STPG2: variants seen among roughly 807,000 people sequenced by gnomAD.
The protein encoded by STPG2 is sperm-tail PG-rich repeat-containing protein 2.
Under a neutral mutation model 54.2 loss-of-function variants are expected in STPG2, and 56 were observed. The ratio of observed to expected loss-of-function variants is 1.03; its 90% CI spans 0.83 to 1.29. The LOEUF is 1.29. Ranked by LOEUF, STPG2 falls within the 50% of genes most tolerant of loss-of-function variation. The pLI, the probability that STPG2 is intolerant of heterozygous loss-of-function variation, is 0.00. For synonymous variants in STPG2, 200 were observed against 181.8 expected (o/e 1.10, Z -0.81); for missense variants, 596 against 544.9 (o/e 1.09, Z -0.93).
At chr4:97,642,691 A>T (rs2148946701) in intron 10 of STPG2, among the ~76,000 whole-genome samples, 1 of 151,618 alleles carries the variant, frequency 6.6e-6, no homozygotes, top group Non-Finnish European at 1.5e-5. Context: ...AGTTATAAAC[A>T]ATTCACGTAG....
At chr4:97,735,884 A>T (rs910962979) in intron 9 of STPG2, among the ~76,000 whole-genome samples, 2 of 152,150 alleles carry the variant, frequency 1.3e-5, no homozygotes, top group Non-Finnish European at 2.9e-5. Flanking sequence ...TGGGCAAAGG[A>T]CCTAAGTAGA....
At chr4:98,019,646 T>A (rs560611633) in intron 5 of STPG2, among the ~76,000 whole-genome samples, 1 of 150,360 alleles carries the variant, frequency 6.7e-6, no homozygotes, top group South Asian at 2.1e-4. Context: ...TTCCAACCAA[T>A]GAGCACGGAA....
chr4:97,853,395 C>G (rs1383918540), intron 8 of STPG2, among the ~76,000 whole-genome samples: 3 of 152,130 alleles, frequency 2.0e-5, no homozygotes, highest in Non-Finnish European at 2.9e-5. Context: ...CCTGCACATT[C>G]TGCACATGTA....
At chr4:97,719,597 C>G (rs1480207074) in intron 9 of STPG2, among the ~76,000 whole-genome samples, 1 of 151,790 alleles carries the variant, frequency 6.6e-6, no homozygotes, top group Non-Finnish European at 1.5e-5. Context: ...ACCAGTGATC[C>G]AAACAAAGAA....
intron 9 of STPG2, among the ~76,000 whole-genome samples, chr4:97,756,413 C>A (rs1002303649): frequency 2.0e-5 from 3 of 152,252 alleles, no homozygotes; most frequent in African/African-American, 7.2e-5. Flanking sequence ...CCTCCACCTC[C>A]TGGGTTCAAG....
At chr4:97,900,087 A>T (rs1353030964) in intron 8 of STPG2, among the ~76,000 whole-genome samples, 1 of 152,162 alleles carries the variant, frequency 6.6e-6, no homozygotes, top group Admixed American at 6.5e-5. Flanking sequence ...CAGAAAAACA[A>T]CCCCATTAAA....
chr4:97,928,788 T>C (rs551884128), intron 8 of STPG2, among the ~76,000 whole-genome samples: 3 of 152,296 alleles, frequency 2.0e-5, no homozygotes, highest in African/African-American at 7.2e-5. Context: ...AATCTCTTTA[T>C]TATTTTATAT....
chr4:98,036,935 T>C (rs1256580874), intron 5 of STPG2, among the ~76,000 whole-genome samples: 2 of 152,128 alleles, frequency 1.3e-5, no homozygotes, highest in Non-Finnish European at 2.9e-5. Flanking sequence ...ACAAAATTTT[T>C]CAAGTTAGCG....
intron 8 of STPG2, among the ~76,000 whole-genome samples, chr4:97,856,594 T>C (rs1329484418): frequency 6.6e-6 from 1 of 152,214 alleles, no homozygotes; most frequent in Non-Finnish European, 1.5e-5. Context: ...TATAGGATCA[T>C]GTCATCTGCA....
intron 10 of STPG2, among the ~76,000 whole-genome samples, chr4:97,561,762 G>A (rs775460009): frequency 2.0e-5 from 3 of 152,052 alleles, no homozygotes; most frequent in Non-Finnish European, 4.4e-5. Context: ...GATATGCAGC[G>A]TTATTTCTGG....
chr4:97,811,523 C>T (rs1727741332), intron 9 of STPG2, among the ~76,000 whole-genome samples: 1 of 146,908 alleles, frequency 6.8e-6, no homozygotes. Flanking sequence ...ACAGTATTCT[C>T]ATAAGTTGTA....
At chr4:98,082,918 C>A (rs923045728) in intron 5 of STPG2, among the ~76,000 whole-genome samples, 1 of 152,190 alleles carries the variant, frequency 6.6e-6, no homozygotes, top group Non-Finnish European at 1.5e-5. Flanking sequence ...CTAAATAAAT[C>A]TACTCCATGT....
At chr4:98,040,988 C>T (rs959581536) in intron 5 of STPG2, among the ~76,000 whole-genome samples, 4 of 151,870 alleles carry the variant, frequency 2.6e-5, no homozygotes, top group Admixed American at 2.6e-4. Flanking sequence ...GATACTTACT[C>T]ATTTGTCTGT....
chr4:97,740,785 G>A (rs575329116), intron 9 of STPG2, among the ~76,000 whole-genome samples: 17 of 152,124 alleles, frequency 1.1e-4, no homozygotes, highest in Admixed American at 3.3e-4. Flanking sequence ...TGGCAATACT[G>A]CCCAAGGTAA....
intron 10 of STPG2, among the ~76,000 whole-genome samples, chr4:97,580,201 C>G (rs181311264): frequency 1.6e-4 from 24 of 151,820 alleles, no homozygotes; most frequent in Non-Finnish European, 3.2e-4. Context: ...ACTCATTGTC[C>G]GTATTTATTC....
rs187973681 is a variant in STPG2, at chr4:97,779,300, A to G, written c.1204+61473T>C. Among the ~76,000 whole-genome samples the G allele has an allele frequency of 2.4e-4, 36 of 152,324 alleles. 1 individual carries two copies. Among genetic ancestry groups the G allele is most frequent in the African/African-American group, 7.7e-4 (32 of 41,584 alleles). On this transcript the variant is annotated intron_variant, in intron 9 of 10. Transcript: ENST00000295268. ...CATGACAAATGTACAAGCTTCAGTAACCGATTCGATCAACTGGAAGAAAGG... is the reference window on the plus strand; with the variant it reads ...CATGACAAATGTACAAGCTTCAGTAGCCGATTCGATCAACTGGAAGAAAGG...
chr4:97,467,463 C>T (rs548828234), intron 4 of STPG2, among the ~76,000 whole-genome samples: 2 of 151,672 alleles, frequency 1.3e-5, no homozygotes, highest in Admixed American at 6.6e-5. Flanking sequence ...GAGGATGATT[C>T]GCCAAATGAA....
intron 8 of STPG2, among the ~76,000 whole-genome samples, chr4:97,924,047 A>C (rs1732237497): frequency 6.6e-6 from 1 of 152,130 alleles, no homozygotes; most frequent in Admixed American, 6.5e-5. Flanking sequence ...CTTTGCAATA[A>C]ATCTTGCTAC....
intron 9 of STPG2, among the ~76,000 whole-genome samples, chr4:97,726,728 AG>A (rs1724635943): frequency 6.6e-6 from 1 of 151,776 alleles, no homozygotes. Flanking sequence ...AATAAGGAAA[AG>A]TTTATTGCTT....
Sources: gnomAD v4.1 joint callset for allele counts (sites outside exome capture counted in the v4.1 genomes callset) on GRCh38, gnomAD v4.1.1 for gene constraint, MANE v1.5 for transcripts, NCBI Gene and HGNC (gene_info 2026-07-23, HGNC 2026-07-21) for gene names.